CAMTA1: variants seen among roughly 807,000 people sequenced by gnomAD.
The protein encoded by CAMTA1 is calmodulin-binding transcription activator 1.
CAMTA1 carries 27 observed loss-of-function variants against 170.9 expected under a neutral mutation model. The observed-to-expected ratio is 0.16, with a 90% CI of 0.12 to 0.22. The LOEUF (loss-of-function observed/expected upper bound fraction) is 0.22, where lower values mean the gene tolerates loss of function less well. CAMTA1 is among the 10% of genes least tolerant of loss of function. The pLI is 1.00. For synonymous variants in CAMTA1, 833 were observed against 891.5 expected (o/e 0.93, Z 1.17); for missense variants, 1,619 against 2,217.2 (o/e 0.73, Z 5.42).
chr1:6,966,216 C>T (rs985717515), intron 3 of CAMTA1, among the ~76,000 whole-genome samples: 1 of 152,174 alleles, frequency 6.6e-6, no homozygotes, highest in Non-Finnish European at 1.5e-5. Context: ...GCAATTTACT[C>T]ATTTTAAGTA....
At chr1:7,516,293 A>G (rs1452107534) in intron 6 of CAMTA1, among the ~76,000 whole-genome samples, 1 of 152,272 alleles carries the variant, frequency 6.6e-6, no homozygotes, top group African/African-American at 2.4e-5. Context: ...TGATCATGAC[A>G]TTTTAATGTT....
At chr1:7,655,585 AAC>A (rs1246858776) in intron 7 of CAMTA1, among the ~76,000 whole-genome samples, 3 of 81,406 alleles carry the variant, frequency 3.7e-5, no homozygotes, top group Non-Finnish European at 5.8e-5. Context: ...TACACACACA[AAC>A]ACCCCTATAC....
chr1:7,108,720 A>G (rs1293223391), intron 4 of CAMTA1, among the ~76,000 whole-genome samples: 1 of 152,254 alleles, frequency 6.6e-6, no homozygotes, highest in Non-Finnish European at 1.5e-5. Context: ...TCCAACAAAT[A>G]TTTATTGACA....
intron 11 of CAMTA1, among the ~76,000 whole-genome samples, chr1:7,701,639 C>T (rs548892932): frequency 5.3e-5 from 8 of 152,140 alleles, no homozygotes; most frequent in Admixed American, 2.6e-4. Context: ...AGGCTGGTCT[C>T]GAACTCCTGG....
rs746522147 is a variant in CAMTA1, at chr1:6,828,286, CTTTTTT to C, written c.234+3095_234+3100del. 7.2e-5 allele frequency among the ~76,000 whole-genome samples: 5 copies of C among 69,714 alleles called. No homozygotes were observed. The South Asian group carries it at 1.5e-3, about 21-fold the overall frequency. The allele number at this position is 69,714 out of a possible 152,430, so 45.7% of individuals were successfully genotyped here. ...TGAGTGAGATTGTGCTCATTCCATCCTTTTTTTTTTTTTTTTTTTTTTTTGAGGTGG... is the reference window on the plus strand; with the variant it reads ...TGAGTGAGATTGTGCTCATTCCATCCTTTTTTTTTTTTTTTTTTGAGGTGG... On this transcript the variant is annotated intron_variant, in intron 3 of 22. Transcript: ENST00000303635.
chr1:7,470,180 G>A (rs1291740572), intron 6 of CAMTA1, among the ~76,000 whole-genome samples: 2 of 152,208 alleles, frequency 1.3e-5, no homozygotes, highest in Non-Finnish European at 2.9e-5. Flanking sequence ...AGATCACAAA[G>A]AGGGAGCGCA....
At chr1:7,675,979 G>A (rs934969480) in intron 10 of CAMTA1, among the ~76,000 whole-genome samples, 2 of 152,240 alleles carry the variant, frequency 1.3e-5, no homozygotes, top group Non-Finnish European at 2.9e-5. Flanking sequence ...TGGTGGAAGA[G>A]CAGCAGCAGT....
intron 4 of CAMTA1, among the ~76,000 whole-genome samples, chr1:7,102,023 AACACACACACACAC>A (rs57209159): frequency 0.065 from 9,611 of 148,746 alleles, 414 homozygotes; most frequent in Admixed American, 0.14. Flanking sequence ...ATAAATACAC[AACACACACACACAC>A]ACACACACAC....
rs117342369 is a variant in CAMTA1, at chr1:7,668,278, T to C, written c.2653-2633T>C. Among the ~76,000 whole-genome samples, 454 of 152,230 alleles carry C rather than the reference T, an allele frequency of 3.0e-3. 14 individuals carry two copies. The East Asian group carries it at 0.073, about 25-fold the overall frequency. ...ATGCATCTACCTAGCAGGAATGCGA[T>C]GGCCGGGGCCATCCTGCTGTCTCTT... On this transcript the variant is annotated intron_variant, in intron 9 of 22. Coordinates refer to ENST00000303635, the MANE Select transcript of CAMTA1 (RefSeq NM_015215.4).
rs2095707253 is a variant in CAMTA1 at position 7,635,728 on chromosome 1, C to T, written c.511-4672C>T. On this transcript the variant is annotated intron_variant, in intron 6 of 22. Transcript: ENST00000303635. This position sits in a 1 kb window ranked among gnomAD's most constrained non-coding sequence, Gnocchi z 4.4. ...CCCTGCTGAGCTGGTCCACCTGAGC[C>T]CATCTCGCCACCAGCAAAGCAGCTC... 6.6e-6 allele frequency among the ~76,000 whole-genome samples: 1 copy of T among 152,172 alleles called. No individual in the cohort carries two copies. The highest frequency in any genetic ancestry group is 6.5e-5 in the Admixed American group (1 of 15,282).
chr1:7,169,908 C>T (rs1231444203), intron 4 of CAMTA1, among the ~76,000 whole-genome samples: 1 of 152,162 alleles, frequency 6.6e-6, no homozygotes, highest in Non-Finnish European at 1.5e-5. Flanking sequence ...TGGTTATGTT[C>T]TTTTCACTCC....
At chr1:7,301,194 T>G (rs572514434) in intron 5 of CAMTA1, among the ~76,000 whole-genome samples, 3 of 152,358 alleles carry the variant, frequency 2.0e-5, no homozygotes, top group Admixed American at 2.0e-4. Flanking sequence ...TGAAGCATTC[T>G]TTGCATATTA....
intron 5 of CAMTA1, among the ~76,000 whole-genome samples, chr1:7,296,707 G>A (rs1673997068): frequency 6.6e-6 from 1 of 152,154 alleles, no homozygotes; most frequent in South Asian, 2.1e-4. Flanking sequence ...CAAGGGTGAT[G>A]TTCAGATGTA....
At chr1:7,660,693 C>T (rs1463245282) in intron 7 of CAMTA1, among the ~76,000 whole-genome samples, 1 of 152,212 alleles carries the variant, frequency 6.6e-6, no homozygotes, top group Non-Finnish European at 1.5e-5. Context: ...CCCCCTGGAG[C>T]TGGTGGGAGA....
chr1:7,524,862 C>A (rs1355058344), intron 6 of CAMTA1, among the ~76,000 whole-genome samples: 1 of 152,152 alleles, frequency 6.6e-6, no homozygotes, highest in Non-Finnish European at 1.5e-5. Context: ...CCCCACCGAT[C>A]CCTCTCCCCT....
intron 4 of CAMTA1, among the ~76,000 whole-genome samples, chr1:7,171,833 C>G (rs1216419056): frequency 6.6e-6 from 1 of 152,132 alleles, no homozygotes; most frequent in Non-Finnish European, 1.5e-5. Context: ...TTTGCCTGTT[C>G]TGGATGTTTC....
intron 6 of CAMTA1, among the ~76,000 whole-genome samples, chr1:7,543,575 A>T (rs1385304526): frequency 6.6e-6 from 1 of 152,200 alleles, no homozygotes; most frequent in Admixed American, 6.5e-5. Context: ...TGAAAATGTC[A>T]AATCCTGGAA....
At chr1:7,604,003 T>C (rs1576350768) in intron 6 of CAMTA1, among the ~76,000 whole-genome samples, 1 of 152,242 alleles carries the variant, frequency 6.6e-6, no homozygotes, top group African/African-American at 2.4e-5. Flanking sequence ...GAATGTTGAA[T>C]ATTGGCCCCC....
At chr1:7,287,795 A>G (rs763051104) in intron 5 of CAMTA1, among the ~76,000 whole-genome samples, 16 of 152,062 alleles carry the variant, frequency 1.1e-4, no homozygotes, top group Non-Finnish European at 1.9e-4. Context: ...GGCTCCTTCT[A>G]TTGTGTGGCT....
Sources: gnomAD v4.1 joint callset for allele counts (sites outside exome capture counted in the v4.1 genomes callset) on GRCh38, gnomAD v4.1.1 for gene constraint, Gnocchi (gnomAD v3.1) non-coding constraint, MANE v1.5 for transcripts, NCBI Gene and HGNC (gene_info 2026-07-23, HGNC 2026-07-21) for gene names.